The following TMC3 variants were observed in gnomAD, a reference collection of about 807,000 sequenced individuals.
The protein encoded by TMC3 is transmembrane channel like 3.
TMC3 carries 98 observed loss-of-function variants against 110.6 expected under a neutral mutation model. The ratio of observed to expected loss-of-function variants is 0.89; its 90% CI spans 0.75 to 1.05. The LOEUF is 1.05. Ranked by LOEUF, TMC3 falls within the 50% of genes least tolerant of loss-of-function variation. The pLI, the probability that TMC3 is intolerant of heterozygous loss-of-function variation, is 0.00. For synonymous variants in TMC3, 489 were observed against 513.1 expected, an observed-to-expected ratio of 0.95 and a Z score of 0.63; for missense variants, 1,319 against 1,373.2, an observed-to-expected ratio of 0.96 and a Z score of 0.62.
chr15:81,372,157 C>T (rs971021713), intron 2 of TMC3, among the ~76,000 whole-genome samples: 1 of 151,336 alleles, frequency 6.6e-6, no homozygotes, highest in African/African-American at 2.4e-5. Context: ...AATATCCAAG[C>T]AGCTAAAATG....
At chr15:81,345,065 G>A in intron 12 of TMC3, 54 bp from the exon 13 acceptor site, 1 of 1,534,606 alleles carries the variant, frequency 6.5e-7, no homozygotes, top group Non-Finnish European at 8.8e-7. Context: ...GAAAATGGCG[G>A]TCCACATATT....
intron 16 of TMC3, among the ~76,000 whole-genome samples, chr15:81,340,160 GT>G (rs1307484010): frequency 6.6e-6 from 1 of 152,100 alleles, no homozygotes; most frequent in Non-Finnish European, 1.5e-5. Context: ...AGAATGAGGG[GT>G]CAATCTAGTT....
rs1041049816 is a variant in TMC3 at position 81,354,091 on chromosome 15, T to C, written c.935+1634A>G. On this transcript the variant is annotated intron_variant, in intron 9 of 21. Coordinates refer to ENST00000359440, the MANE Select transcript of TMC3 (RefSeq NM_001080532.3). ...TGTTTCTGGTTTTAACTGAAACATA[T>C]CCATTTTTTTCTAACACTGGAGGAC... Among the ~76,000 whole-genome samples, 12 of 152,324 alleles carry C rather than the reference T, an allele frequency of 7.9e-5. No homozygotes were observed. In the East Asian group the frequency reaches 1.7e-3, roughly 22 times the overall value.
chr15:81,363,496 C>T (rs963419866), intron 3 of TMC3, among the ~76,000 whole-genome samples: 6 of 152,126 alleles, frequency 3.9e-5, no homozygotes, highest in South Asian at 2.1e-4. Flanking sequence ...CACATGGTCC[C>T]GGTACAGACA....
chr15:81,372,674 G>A lies in TMC3; in HGVS notation c.153C>T (p.Phe51=). The A allele has an allele frequency of 6.2e-7, 1 of 1,613,986 alleles. No homozygotes were observed. The highest frequency in any genetic ancestry group is 8.5e-7 in the Non-Finnish European group (1 of 1,179,896). Residue 51 remains phenylalanine, a synonymous_variant, in exon 2 of 22, where the codon TTC becomes TTT. Transcript: ENST00000359440. ...TGDSNDPEQI[F]QNIQFQKDLM... ...GATCTTTCTGGAACTGTATATTCTG[G>A]AAGATTTGTTCCGGATCATTGCTGT...
intron 2 of TMC3, among the ~76,000 whole-genome samples, chr15:81,371,886 G>A (rs997432815): frequency 6.6e-6 from 1 of 152,106 alleles, no homozygotes; most frequent in Admixed American, 6.5e-5. Flanking sequence ...TTTTGGAAAC[G>A]TGCTGCAGGA....
In TMC3 at chr15:81,336,601, ATACT is replaced by A; in HGVS notation, c.2203+4_2203+7del. On this transcript the variant is annotated splice_donor_5th_base_variant and intron_variant, in intron 20 of 21. Coordinates refer to ENST00000359440, the MANE Select transcript of TMC3 (RefSeq NM_001080532.3). ...AAAACAACAACAAAAAGAAACGGAA[ATACT>A]TACCTTCTACCATCTGGGCAACCTT... is the stretch of plus-strand genomic sequence containing the variant. The A allele has an allele frequency of 1.2e-6, 2 of 1,613,712 alleles. No homozygotes were observed. The highest frequency in any genetic ancestry group is 2.2e-5 in the South Asian group (2 of 91,068).
At chr15:81,344,110 G>A in intron 13 of TMC3, 65 bp from the exon 14 acceptor site, 1 of 1,553,620 alleles carries the variant, frequency 6.4e-7, no homozygotes, top group African/African-American at 1.4e-5. Flanking sequence ...TCTTCCTTCA[G>A]GGTGCTCCTA....
Position 81,336,471 on chromosome 15 carries a change from G to C in TMC3, c.2203+138C>G, listed in dbSNP as rs536044120. ...TAATCCCAGCTACTCAGGAGGCTGA[G>C]GCAGGAGAATCACTTGAACCGGGAA... On this transcript the variant is annotated intron_variant, in intron 20 of 21. Transcript: ENST00000359440. 27 of 756,516 alleles carry C rather than the reference G, an allele frequency of 3.6e-5. No individual in the cohort carries two copies. The African/African-American group carries it at 4.0e-4, about 11-fold the overall frequency. 46.9% of individuals were successfully genotyped at this position (756,516 alleles called of 1,614,324 possible). A position where few individuals can be genotyped will look rare whatever the true frequency, so the allele number is the denominator to read the frequency against.
chr15:81,356,991 G>A (rs1361277234), intron 7 of TMC3, among the ~76,000 whole-genome samples: 2 of 152,070 alleles, frequency 1.3e-5, no homozygotes, highest in Admixed American at 6.5e-5. Flanking sequence ...CCACCCCGTG[G>A]GACTCCACGT....
chr15:81,345,811 A>T (rs898430995), intron 12 of TMC3, among the ~76,000 whole-genome samples: 1 of 151,928 alleles, frequency 6.6e-6, no homozygotes, highest in African/African-American at 2.4e-5. Context: ...AGGGAGGTTG[A>T]GGCTGCAGTG....
chr15:81,374,143 C>T lies in TMC3; in HGVS notation c.-66G>A, dbSNP rs1894498263. The T allele has an allele frequency of 1.4e-6, 2 of 1,449,314 alleles. No homozygotes were observed. Among genetic ancestry groups the T allele is most frequent in the Non-Finnish European group, 9.6e-7 (1 of 1,040,870 alleles). The allele number at this position is 1,449,314 out of a possible 1,614,324, so 89.8% of individuals were successfully genotyped here. The stretch of plus-strand genomic sequence containing the variant: ...AGCTAGGAAGTTGGCAGGCAAAGGT[C>T]TGTTCCGAGGTTTCTGAATGGAAGC... On this transcript the variant is annotated 5_prime_UTR_variant, in exon 1 of 22. Transcript: ENST00000359440.
intron 13 of TMC3, among the ~76,000 whole-genome samples, chr15:81,344,403 G>GTT (rs1236193423): frequency 6.6e-6 from 1 of 152,134 alleles, no homozygotes; most frequent in Non-Finnish European, 1.5e-5. Context: ...GTACAACATG[G>GTT]TTAAGGGTAC....
chr15:81,364,879 G>A (rs1423583811), intron 3 of TMC3, among the ~76,000 whole-genome samples: 2 of 151,298 alleles, frequency 1.3e-5, no homozygotes, highest in African/African-American at 4.8e-5. Flanking sequence ...ATATGCTGAT[G>A]CTTGTAATGT....
rs560040566 is a variant in TMC3, at chr15:81,365,370, C to T, written c.312+2883G>A. ...ATGGTACAAAGATGAATAAAGTATG[C>T]TCTTAAGAAACAGAAAAAAGGGCCG... On this transcript the variant is annotated intron_variant, in intron 3 of 21. Transcript: ENST00000359440. Among the ~76,000 whole-genome samples, 15 of 152,336 alleles carry T rather than the reference C, an allele frequency of 9.8e-5. No homozygotes were observed. In the South Asian group the frequency reaches 2.1e-3, roughly 21 times the overall value.
At position 81,359,639 on chromosome 15, in the gene TMC3, A is replaced by C. The variant is rs147116932; in HGVS notation, c.395-168T>G. On this transcript the variant is annotated intron_variant, in intron 4 of 21. Transcript: ENST00000359440. Reference sequence around the variant, plus strand: ...TCCTAAATGTTAACTCAGACAGATCAAGATGCCCCTGAATATCTATCAGTT... The same window carrying C: ...TCCTAAATGTTAACTCAGACAGATCCAGATGCCCCTGAATATCTATCAGTT... 8.0e-3 allele frequency among the ~76,000 whole-genome samples: 1,224 copies of C among 152,170 alleles called. 21 individuals are homozygous for C. The highest frequency in any genetic ancestry group is 0.028 in the African/African-American group (1,177 of 41,414).
rs1052832221 is a variant in TMC3, at chr15:81,344,057, G to A, written c.1519-12C>T. ...AGCTTCAGCATCTCCTGAAACACAG[G>A]GCGTCCCTGGATGCCACCATGCCCC... On this transcript the variant is annotated splice_polypyrimidine_tract_variant and intron_variant, in intron 13 of 21. Coordinates refer to ENST00000359440, the MANE Select transcript of TMC3 (RefSeq NM_001080532.3). The A allele has an allele frequency of 1.2e-6, 2 of 1,602,620 alleles. No individual in the cohort carries two copies. Among genetic ancestry groups the A allele is most frequent in the East Asian group, 2.2e-5 (1 of 44,638 alleles).
At chr15:81,343,519 G>A (rs1893757034) in intron 14 of TMC3, among the ~76,000 whole-genome samples, 174 bp from the exon 15 acceptor site, 1 of 152,208 alleles carries the variant, frequency 6.6e-6, no homozygotes, top group Admixed American at 6.5e-5. Context: ...GCTGGGCATT[G>A]TAGCTTATGC....
intron 4 of TMC3, among the ~76,000 whole-genome samples, chr15:81,361,463 A>G (rs191410729): frequency 2.0e-5 from 3 of 152,256 alleles, no homozygotes; most frequent in Admixed American, 2.0e-4. Context: ...TACTGCTTCA[A>G]TTGTTGTACC....
Sources: gnomAD v4.1 joint callset for allele counts (sites outside exome capture counted in the v4.1 genomes callset) on GRCh38, gnomAD v4.1.1 for gene constraint, MANE v1.5 for transcripts, NCBI Gene and HGNC (gene_info 2026-07-23, HGNC 2026-07-21) for gene names.